The following ADAMTS14 variants were observed in gnomAD, a reference collection of about 807,000 sequenced individuals.
The protein encoded by ADAMTS14 is ADAM metallopeptidase with thrombospondin type 1 motif 14, also known as A disintegrin and metalloproteinase with thrombospondin motifs 14.
ADAMTS14 carries 100 observed loss-of-function variants against 128.6 expected under a neutral mutation model. The ratio of observed to expected loss-of-function variants is 0.78; its 90% confidence interval spans 0.66 to 0.92. ADAMTS14 has a LOEUF of 0.92. Ranked by LOEUF, ADAMTS14 falls within the 40% of genes least tolerant of loss-of-function variation. The pLI is 0.00. For missense variants in ADAMTS14, 1,562 were observed against 1,658.6 expected (o/e 0.94, Z 1.01); for synonymous variants, 665 against 653.8 (o/e 1.02, Z -0.26).
At chr10:70,749,098 G>C (rs1842269031) in intron 15 of ADAMTS14, among the ~76,000 whole-genome samples, 1 of 152,230 alleles carries the variant, frequency 6.6e-6, no homozygotes, top group African/African-American at 2.4e-5. Flanking sequence ...CCAAGATGGA[G>C]ATAAGCCAAC....
intron 2 of ADAMTS14, among the ~76,000 whole-genome samples, chr10:70,681,897 T>C (rs116282696): frequency 0.015 from 2,316 of 152,316 alleles, 55 homozygotes; most frequent in African/African-American, 0.053. Flanking sequence ...CCCACATTGG[T>C]GCAGACCTTG....
intron 9 of ADAMTS14, among the ~76,000 whole-genome samples, chr10:70,736,295 C>A (rs968164410): frequency 6.6e-6 from 1 of 152,016 alleles, no homozygotes; most frequent in Non-Finnish European, 1.5e-5. Context: ...GGCTGGAAAG[C>A]AGCAGTCCCC....
intron 2 of ADAMTS14, among the ~76,000 whole-genome samples, chr10:70,694,555 G>A (rs574542267): frequency 2.8e-4 from 42 of 152,272 alleles, no homozygotes; most frequent in Non-Finnish European, 5.6e-4. Context: ...GCCCTTGGCA[G>A]TGACGAATCT....
intron 12 of ADAMTS14, among the ~76,000 whole-genome samples, chr10:70,741,676 A>G (rs1842005474): frequency 6.6e-6 from 1 of 152,222 alleles, no homozygotes; most frequent in Non-Finnish European, 1.5e-5. Context: ...GAAGGCACGC[A>G]GATAGGATCT....
At chr10:70,681,933 C>A (rs1839820972) in intron 2 of ADAMTS14, among the ~76,000 whole-genome samples, 1 of 152,252 alleles carries the variant, frequency 6.6e-6, no homozygotes, top group African/African-American at 2.4e-5. Flanking sequence ...GCCTCTCTAG[C>A]CTTATGGGCT....
At chr10:70,742,002 C>G (rs138731903) in intron 12 of ADAMTS14, among the ~76,000 whole-genome samples, 121 of 152,316 alleles carry the variant, frequency 7.9e-4, no homozygotes, top group Admixed American at 1.8e-3. Context: ...CCCATCAGGA[C>G]GGGCTTTCCT....
Position 70,732,224 on chromosome 10 carries a change from C to T in ADAMTS14, c.1103-30C>T, listed in dbSNP as rs575790287. 5 of 1,580,778 alleles carry T rather than the reference C, an allele frequency of 3.2e-6. No individual in the cohort carries two copies. In the South Asian group the frequency reaches 3.3e-5, roughly 11 times the overall value. On this transcript the variant is annotated intron_variant, in intron 6 of 21. Transcript: ENST00000373207. Reference sequence around the variant, plus strand: ...CCTGCCTCACCTGCCCTCCACCTCGCTCTCCACCTTTTCTTTCTCTCTTCG... The same window carrying T: ...CCTGCCTCACCTGCCCTCCACCTCGTTCTCCACCTTTTCTTTCTCTCTTCG...
At position 70,708,710 on chromosome 10, in the gene ADAMTS14, G is replaced by A; in HGVS notation, c.802G>A (p.Asp268Asn). 1 of 1,613,572 alleles carries A rather than the reference G, an allele frequency of 6.2e-7. No individual in the cohort carries two copies. Among genetic ancestry groups the A allele is most frequent in the East Asian group, 2.2e-5 (1 of 44,838 alleles). ...SYSIEVLLVV[D>N]DSVVRFHGKE... Reference sequence around the variant, plus strand: ...CAGCATCGAGGTGCTGCTGGTGGTGGACGACTCGGTGGTTCGCTTCCATGG... The same window carrying A: ...CAGCATCGAGGTGCTGCTGGTGGTGAACGACTCGGTGGTTCGCTTCCATGG... The change falls in exon 4 of 22, where the codon GAC (aspartate) becomes AAC (asparagine). Residue 268 changes from aspartate to asparagine, a missense_variant. Asp to Asn is a conservative substitution (Grantham distance 23). Coordinates refer to ENST00000373207, the MANE Select transcript of ADAMTS14 (RefSeq NM_080722.4).
chr10:70,674,117 G>C (rs1839567045), intron 1 of ADAMTS14, among the ~76,000 whole-genome samples: 1 of 152,112 alleles, frequency 6.6e-6, no homozygotes, highest in African/African-American at 2.4e-5. Context: ...TGCGTTCTTG[G>C]AAGTTTGGGG....
chr10:70,674,688 C>T lies in ADAMTS14; in HGVS notation c.215C>T (p.Thr72Met), dbSNP rs554496606. ...AASAGSMVVD[T>M]PPTLPRHSSH... ...TCTGCAGGGAGCATGGTAGTGGACA[C>T]GCCACCCACACTACCACGACACTCC... Residue 72 changes from threonine to methionine, a missense_variant, in exon 2 of 22, where the codon ACG (threonine) becomes ATG (methionine). Thr to Met is a moderately conservative substitution (Grantham distance 81, BLOSUM62 -1). Transcript: ENST00000373207. 1.2e-4 allele frequency: 194 copies of T among 1,613,482 alleles called. 4 individuals carry two copies. The South Asian group carries it at 1.6e-3, about 13-fold the overall frequency.
At chr10:70,676,730 C>G (rs747065055) in intron 2 of ADAMTS14, among the ~76,000 whole-genome samples, 2 of 152,176 alleles carry the variant, frequency 1.3e-5, no homozygotes, top group Non-Finnish European at 2.9e-5. Context: ...CACAGGGGCC[C>G]TTGGTCACCC....
chr10:70,672,908 G>T (rs987247599), intron 1 of ADAMTS14, 24 bp downstream of exon 1: 12 of 1,440,210 alleles, frequency 8.3e-6, no homozygotes, highest in Non-Finnish European at 1.1e-5. Flanking sequence ...GGGCGCGCGG[G>T]GGCCCGTGGG....
chr10:70,723,093 C>T (rs1841320538), intron 4 of ADAMTS14, among the ~76,000 whole-genome samples: 2 of 152,186 alleles, frequency 1.3e-5, no homozygotes, highest in Admixed American at 1.3e-4. Flanking sequence ...TTGACATGGC[C>T]TGATGAGGAA....
At chr10:70,721,093 C>T (rs1841246509) in intron 4 of ADAMTS14, among the ~76,000 whole-genome samples, 1 of 132,962 alleles carries the variant, frequency 7.5e-6, no homozygotes, top group Admixed American at 8.7e-5. Flanking sequence ...GGTGTGATCT[C>T]AGCTCACCAC....
chr10:70,690,036 C>T (rs1840140777), intron 2 of ADAMTS14, among the ~76,000 whole-genome samples: 1 of 144,898 alleles, frequency 6.9e-6, no homozygotes, highest in Admixed American at 6.9e-5. Flanking sequence ...ATGTTAGCTC[C>T]GTGCAAAGAG....
At chr10:70,743,297 C>T (rs187098473) in intron 12 of ADAMTS14, among the ~76,000 whole-genome samples, 6 of 152,158 alleles carry the variant, frequency 3.9e-5, no homozygotes, top group African/African-American at 9.6e-5. Flanking sequence ...CTCAATAAGC[C>T]GATGTGGCAT....
At chr10:70,708,488 A>T (rs1840732826) in intron 3 of ADAMTS14, 100 bp from the exon 4 acceptor site, 12 of 1,043,782 alleles carry the variant, frequency 1.1e-5, no homozygotes, top group Non-Finnish European at 1.7e-5. Context: ...AGGCAGGGAA[A>T]GGGGCACCAG....
At chr10:70,721,519 A>G (rs1368980284) in intron 4 of ADAMTS14, among the ~76,000 whole-genome samples, 42 of 151,390 alleles carry the variant, frequency 2.8e-4, no homozygotes, top group Non-Finnish European at 2.2e-4. Context: ...CCGAGTAGCT[A>G]GGACTACAGG....
chr10:70,760,834 C>T lies in ADAMTS14; in HGVS notation c.3653C>T (p.Ala1218Val). ...DLRHPGTSLP[A>V]ASPVT The stretch of plus-strand genomic sequence containing the variant: ...AGACATCCCGGCACCAGCCTCCCTG[C>T]TGCCTCCCCGGTGACATGAGCTGTG... The change falls in exon 22 of 22, where the codon GCT (alanine) becomes GTT (valine). Residue 1218 changes from alanine to valine, a missense_variant. Physicochemically the swap from Ala to Val is moderately conservative, Grantham distance 64. Coordinates refer to ENST00000373207, the MANE Select transcript of ADAMTS14 (RefSeq NM_080722.4). 1.9e-6 allele frequency: 3 copies of T among 1,578,804 alleles called. No homozygotes were observed. Among genetic ancestry groups the T allele is most frequent in the Non-Finnish European group, 2.6e-6 (3 of 1,160,076 alleles).
Sources: gnomAD v4.1 joint callset for allele counts (sites outside exome capture counted in the v4.1 genomes callset) on GRCh38, gnomAD v4.1.1 for gene constraint, MANE v1.5 for transcripts, NCBI Gene and HGNC (gene_info 2026-07-23, HGNC 2026-07-21) for gene names.